Variants in TRIQK observed in about 807,000 individuals in gnomAD.
TRIQK encodes the protein triple QxxK/R motif-containing protein.
In TRIQK, 10 loss-of-function variants were observed where a neutral mutation model predicts 10.8. That is an observed-to-expected ratio of 0.92 (90% CI 0.57 to 1.57). The LOEUF (loss-of-function observed/expected upper bound fraction) is 1.57, where lower values mean the gene tolerates loss of function less well. Among genes scored for constraint, TRIQK ranks in the 40% most tolerant of loss-of-function variants. The probability of loss-of-function intolerance (pLI) is 0.00; values close to 1 mark genes in which losing one functional copy is unlikely to be tolerated. For synonymous variants in TRIQK, 33 were observed against 33.7 expected, an observed-to-expected ratio of 0.98 and a Z score of 0.07; for missense variants, 107 against 97.7, an observed-to-expected ratio of 1.09 and a Z score of -0.40.
chr8:92,953,933 GATGT>G (rs1812041330), intron 2 of TRIQK: 1 of 151,784 alleles, frequency 6.6e-6, no homozygotes, highest in African/African-American at 2.4e-5. Flanking sequence ...AAGAAAAATG[GATGT>G]ATCAATTTAC....
At chr8:92,966,980 C>CAA (rs10655820), upstream of TRIQK, among the ~76,000 whole-genome samples, 4,312 of 68,826 alleles carry the variant, frequency 0.063, 358 homozygotes, top group Middle Eastern at 0.087. Flanking sequence ...AAGTAGCATA[C>CAA]AAAAAAAAAA....
chr8:92,890,462 A>T (rs539161539), intron 4 of TRIQK, among the ~76,000 whole-genome samples: 41 of 151,930 alleles, frequency 2.7e-4, no homozygotes, highest in African/African-American at 9.4e-4. Flanking sequence ...TCATAGAAAG[A>T]TTAGCAAATT....
At chr8:92,948,104 A>C (rs141778558) in intron 2 of TRIQK, among the ~76,000 whole-genome samples, 1 of 152,260 alleles carries the variant, frequency 6.6e-6, no homozygotes, top group African/African-American at 2.4e-5. Flanking sequence ...AACAAAACTG[A>C]ATTTTTAATC....
chr8:92,973,137 A>G (rs1436030268), intron 1 of TRIQK: 2 of 152,226 alleles, frequency 1.3e-5, no homozygotes, highest in African/African-American at 4.8e-5. Flanking sequence ...TCCATTGAGT[A>G]TTGGTAGAAT....
chr8:92,989,304 C>T (rs1166069217), intron 1 of TRIQK, among the ~76,000 whole-genome samples: 1 of 152,182 alleles, frequency 6.6e-6, no homozygotes, highest in Non-Finnish European at 1.5e-5. Flanking sequence ...CAGGGGTTCT[C>T]ATCCCTCAGG....
chr8:92,993,309 C>T (rs997712848), intron 1 of TRIQK, among the ~76,000 whole-genome samples: 1 of 152,110 alleles, frequency 6.6e-6, no homozygotes, highest in African/African-American at 2.4e-5. Context: ...CCTAGCTCAC[C>T]TTTTTCTTAT....
At chr8:92,943,229 TA>T (rs1181576457) in intron 2 of TRIQK, among the ~76,000 whole-genome samples, 1 of 152,130 alleles carries the variant, frequency 6.6e-6, no homozygotes, top group Non-Finnish European at 1.5e-5. Context: ...ATCACTATTG[TA>T]AAAATGTCTG....
chr8:92,938,581 C>A (rs1811114023), intron 2 of TRIQK, among the ~76,000 whole-genome samples: 1 of 152,044 alleles, frequency 6.6e-6, no homozygotes, highest in East Asian at 1.9e-4. Flanking sequence ...TCTTGAAATA[C>A]TTTTTATTTC....
chr8:92,944,673 G>A (rs1811428992), intron 2 of TRIQK, among the ~76,000 whole-genome samples: 1 of 152,152 alleles, frequency 6.6e-6, no homozygotes, highest in African/African-American at 2.4e-5. Flanking sequence ...CGTCATAAAA[G>A]TAGAAGGCAG....
chr8:93,015,595 C>A (rs1289188092), intron 1 of TRIQK, among the ~76,000 whole-genome samples: 1 of 151,762 alleles, frequency 6.6e-6, no homozygotes, highest in African/African-American at 2.4e-5. Flanking sequence ...TTTTGCTGTT[C>A]AGGATGCTAT....
At chr8:92,924,500 C>T (rs1810345562) in intron 2 of TRIQK, among the ~76,000 whole-genome samples, 1 of 151,906 alleles carries the variant, frequency 6.6e-6, no homozygotes, top group African/African-American at 2.4e-5. Context: ...AATGTCTTTT[C>T]AATACATCCC....
intron 3 of TRIQK, among the ~76,000 whole-genome samples, chr8:92,893,009 T>C (rs1816838469): frequency 6.6e-6 from 1 of 152,010 alleles, no homozygotes; most frequent in South Asian, 2.1e-4. Flanking sequence ...TATTTTATAT[T>C]CTTATTTTGT....
chr8:92,927,515 G>A (rs181393517), intron 2 of TRIQK, among the ~76,000 whole-genome samples: 364 of 152,220 alleles, frequency 2.4e-3, no homozygotes, highest in Non-Finnish European at 3.4e-3. Context: ...GAGAAGAAAG[G>A]TTATTAAAGG....
intron 3 of TRIQK, among the ~76,000 whole-genome samples, chr8:92,895,234 G>T (rs909857882): frequency 6.6e-6 from 1 of 152,160 alleles, no homozygotes; most frequent in African/African-American, 2.4e-5. Flanking sequence ...CTCCAGCTTA[G>T]ACTTCCCAGT....
chr8:93,007,413 C>T (rs529242802), intron 1 of TRIQK, among the ~76,000 whole-genome samples: 195 of 152,300 alleles, frequency 1.3e-3, no homozygotes, highest in Non-Finnish European at 2.4e-3. Context: ...GATAAACTAA[C>T]GAAGATGAGA....
rs892865239 is a variant in TRIQK at position 92,916,331 on chromosome 8, C to T, written c.61+598G>A. On this transcript the variant is annotated intron_variant, in intron 3 of 4. Coordinates refer to ENST00000521988, the MANE Select transcript of TRIQK (RefSeq NM_001171797.2). ...CTGTTATCTTCCTGTGCTAAGTGAG[C>T]TTTTCTAGTCCACCGTTCTACTAGG... is the stretch of plus-strand genomic sequence containing the variant. Among the ~76,000 whole-genome samples the T allele has an allele frequency of 1.1e-4, 16 of 152,114 alleles. 1 individual carries two copies. In the East Asian group the frequency reaches 2.5e-3, roughly 24 times the overall value.
At chr8:92,899,425 A>G (rs1195639843) in intron 3 of TRIQK, among the ~76,000 whole-genome samples, 1 of 151,380 alleles carries the variant, frequency 6.6e-6, no homozygotes. Context: ...TCTGGTTACC[A>G]TCCTTTTATT....
intron 1 of TRIQK, among the ~76,000 whole-genome samples, chr8:93,014,840 G>T (rs1351281033): frequency 6.6e-6 from 1 of 152,004 alleles, no homozygotes; most frequent in Admixed American, 6.6e-5. Context: ...CTGATTGTTA[G>T]TTATTGAAGT....
rs1480618482 is a variant in TRIQK at position 92,885,563 on chromosome 8, T to G, written c.*1059A>C. On this transcript the variant is annotated 3_prime_UTR_variant, in exon 5 of 5. Coordinates refer to ENST00000521988, the MANE Select transcript of TRIQK (RefSeq NM_001171797.2). Reference sequence around the variant, plus strand: ...TTGAATTACCAGTAAAAATATTGAATGTACAGGTCATTATGCTCCCACAAA... The same window carrying G: ...TTGAATTACCAGTAAAAATATTGAAGGTACAGGTCATTATGCTCCCACAAA... 2 of 151,992 alleles carry G rather than the reference T, an allele frequency of 1.3e-5. No homozygotes were observed. The highest frequency in any genetic ancestry group is 2.9e-5 in the Non-Finnish European group (2 of 68,074). The allele number at this position is 151,992 out of a possible 1,614,324, so 9.4% of individuals were successfully genotyped here. A position where few individuals can be genotyped will look rare whatever the true frequency, so the allele number is the denominator to read the frequency against.
Sources: allele counts gnomAD v4.1 joint callset (sites outside exome capture counted in the v4.1 genomes callset), GRCh38; gene constraint gnomAD v4.1.1; transcripts MANE v1.5; gene names NCBI Gene and HGNC (gene_info 2026-07-23, HGNC 2026-07-21).